The following TNK1 variants were observed in gnomAD, a reference collection of about 807,000 sequenced individuals.
TNK1 encodes non-receptor tyrosine-protein kinase TNK1.
A neutral mutation model predicts 65.2 loss-of-function variants in TNK1; 53 were observed. The ratio of observed to expected loss-of-function variants is 0.81; its 90% CI spans 0.65 to 1.02. The LOEUF (loss-of-function observed/expected upper bound fraction) is 1.02. TNK1 is among the 50% of genes least tolerant of loss of function. TNK1 has a pLI of 0.00. For synonymous variants in TNK1, 353 were observed against 364.6 expected, an observed-to-expected ratio of 0.97 and a Z score of 0.36; for missense variants, 837 against 878.4, an observed-to-expected ratio of 0.95 and a Z score of 0.60.
rs1197061688 is a variant in TNK1 at position 7,383,234 on chromosome 17, T to C, written c.164-16T>C. 6.2e-7 allele frequency: 1 copy of C among 1,613,966 alleles called. No homozygotes were observed. Among genetic ancestry groups the C allele is most frequent in the Non-Finnish European group, 8.5e-7 (1 of 1,179,886 alleles). On this transcript the variant is annotated splice_polypyrimidine_tract_variant and intron_variant, in intron 2 of 12. Coordinates refer to ENST00000688331, the MANE Select transcript of TNK1 (RefSeq NM_003985.6). ...ACACCCACCTCCACTCCAGCCCTGA[T>C]TCTGGCCTCCCACAGCCCAGCGCAG...
intron 7 of TNK1, among the ~76,000 whole-genome samples, chr17:7,385,447 G>A (rs1330682755): frequency 3.3e-5 from 5 of 152,088 alleles, no homozygotes; most frequent in Non-Finnish European, 5.9e-5. Context: ...TTTGCAAGGC[G>A]TGTTAAGCTA....
Position 7,383,261 on chromosome 17 carries a change from C to G in TNK1, c.175C>G (p.Leu59Val), listed in dbSNP as rs752105103. 6.2e-7 allele frequency: 1 copy of G among 1,614,050 alleles called. No homozygotes were observed. The highest frequency in any genetic ancestry group is 2.2e-5 in the East Asian group (1 of 44,888). The change falls in exon 3 of 13, where the codon CTG (leucine) becomes GTG (valine). Residue 59 changes from leucine (L) to valine (V), a missense_variant. By Grantham distance (32) the Leu-to-Val change is conservative. Coordinates refer to ENST00000688331, the MANE Select transcript of TNK1 (RefSeq NM_003985.6). ...IGMGRPAQRR[L>V]SEALKRLRSG... ...CTGGCCTCCCACAGCCCAGCGCAGA[C>G]TGTCCGAAGCTCTGAAAAGGCTACG...
At position 7,388,373 on chromosome 17, in the gene TNK1, C is replaced by A; in HGVS notation, c.1478-33C>A. On this transcript the variant is annotated intron_variant, in intron 10 of 12. Transcript: ENST00000688331. This position sits in a 1 kb window ranked among gnomAD's most constrained non-coding sequence, Gnocchi z 4.5. ...CCGGGAGGCGGAGGCTGCAGCCAGC[C>A]GAGTTCAAGTTGTTTCCTTCTCAAC... 6.4e-7 allele frequency: 1 copy of A among 1,555,456 alleles called. No homozygotes were observed. The highest frequency in any genetic ancestry group is 1.2e-5 in the South Asian group (1 of 81,786).
In TNK1 at chr17:7,382,111, C is replaced by CA. The variant is rs1195551755; in HGVS notation, c.-91-719dup. Among the ~76,000 whole-genome samples, 1 of 152,068 alleles carries CA rather than the reference C, an allele frequency of 6.6e-6. No individual in the cohort carries two copies. Among genetic ancestry groups the CA allele is most frequent in the Non-Finnish European group, 1.5e-5 (1 of 68,012 alleles). On this transcript the variant is annotated intron_variant, in intron 1 of 12. Transcript: ENST00000688331. This position sits in a 1 kb window ranked among gnomAD's most constrained non-coding sequence, Gnocchi z 4.1. The stretch of plus-strand genomic sequence containing the variant: ...TGAAACCCCATCTCTACTAAAAATA[C>CA]AAAAAATAGCCGGGCATGGTGGCAC...
At chr17:7,387,272 G>A (rs1905232376) in intron 9 of TNK1, 106 bp from the exon 10 acceptor site, 3 of 1,510,910 alleles carry the variant, frequency 2.0e-6, no homozygotes, top group Non-Finnish European at 1.8e-6. Context: ...CTCCACCCTG[G>A]GCCCTGGGTC....
intron 6 of TNK1, 70 bp downstream of exon 6, chr17:7,384,323 C>T (rs1244714506): frequency 1.0e-5 from 15 of 1,433,096 alleles, no homozygotes; most frequent in African/African-American, 4.3e-5. Context: ...CGAGGGAGAT[C>T]GGAGGGGGCC....
At chr17:7,383,209 ACACC>A in intron 2 of TNK1, 37 bp from the exon 3 acceptor site, 1 of 1,613,250 alleles carries the variant, frequency 6.2e-7, no homozygotes, top group Non-Finnish European at 8.5e-7. Context: ...ACTCTTCCCC[ACACC>A]CACCTCCACT....
chr17:7,384,704 C>A lies in TNK1; in HGVS notation c.1087C>A (p.His363Asn), dbSNP rs760286925. The A allele has an allele frequency of 3.1e-6, 5 of 1,591,256 alleles. No individual in the cohort carries two copies. The South Asian group carries it at 4.6e-5, about 15-fold the overall frequency. The change falls in exon 7 of 13, where the codon CAC becomes AAC. Residue 363 changes from histidine (H) to asparagine (N), a missense_variant. His to Asn is a moderately conservative substitution (Grantham distance 68). Coordinates refer to ENST00000688331, the MANE Select transcript of TNK1 (RefSeq NM_003985.6). The part of the protein sequence containing the change: ...YSLALRCWAP[H>N]PADRPSFSHL... ...CCTCGCCTTGCGCTGCTGGGCCCCC[C>A]ACCCTGCCGACCGGCCTAGCTTTTC...
intron 10 of TNK1, 36 bp downstream of exon 10, chr17:7,387,493 C>A: frequency 6.5e-7 from 1 of 1,539,716 alleles, no homozygotes; most frequent in South Asian, 1.2e-5. Flanking sequence ...CTGAGGAGAT[C>A]AAGACCAGTC....
chr17:7,389,072 G>A lies in TNK1; in HGVS notation c.1974G>A (p.Leu658=), dbSNP rs55741304. The part of the protein sequence containing the change: ...WDLSAASRYV[L]ARP ...TCTCAGCTGCCAGCCGCTATGTCCT[G>A]GCCAGGCCCTGAGCTCAGCTTCTGC... Residue 658 remains leucine (L), a synonymous_variant, in exon 13 of 13, where the codon CTG becomes CTA. Transcript: ENST00000688331. 2.8e-4 allele frequency: 435 copies of A among 1,552,812 alleles called. 2 individuals carry two copies. In the East Asian group the frequency reaches 0.01, roughly 36 times the overall value.
chr17:7,384,432 G>A (rs2143114785), intron 6 of TNK1, 52 bp from the exon 7 acceptor site: 3 of 1,465,758 alleles, frequency 2.0e-6, no homozygotes, highest in East Asian at 2.5e-5. Context: ...GTGGAGGGTG[G>A]GCCTCCAAGG....
Position 7,388,688 on chromosome 17 carries a change from A to G in TNK1, c.1760A>G (p.Gln587Arg). The change falls in exon 11 of 13, where the codon CAG becomes CGG. Residue 587 changes from glutamine (Q) to arginine (R), a missense_variant. Coordinates refer to ENST00000688331, the MANE Select transcript of TNK1 (RefSeq NM_003985.6). This position sits in a 1 kb window ranked among gnomAD's most constrained non-coding sequence, Gnocchi z 4.5. ...GGCCTCTTGTCCGATCCTGAGTTGC[A>G]GAGGAAGATTATGGAGGTGAGGTCT... ...SGGLLSDPELQRKIMEVELSV... is the reference protein window; with the variant it reads ...SGGLLSDPELRRKIMEVELSV... 6.2e-7 allele frequency: 1 copy of G among 1,613,270 alleles called. No homozygotes were observed. Among genetic ancestry groups the G allele is most frequent in the Non-Finnish European group, 8.5e-7 (1 of 1,179,518 alleles).
chr17:7,385,018 T>C (rs1905101253), intron 7 of TNK1, among the ~76,000 whole-genome samples: 2 of 152,084 alleles, frequency 1.3e-5, no homozygotes, highest in African/African-American at 4.8e-5. Context: ...GTTGCAGTCG[T>C]GTTGACACGC....
At chr17:7,383,644 C>T (rs781763590) in intron 4 of TNK1, 28 bp downstream of exon 4, 2 of 1,595,322 alleles carry the variant, frequency 1.3e-6, no homozygotes, top group East Asian at 4.5e-5. Context: ...CCGCTTCATC[C>T]AGGCCAGCTG....
In TNK1 at chr17:7,388,390, C is replaced by T; in HGVS notation, c.1478-16C>T. On this transcript the variant is annotated splice_polypyrimidine_tract_variant and intron_variant, in intron 10 of 12. Transcript: ENST00000688331. This position sits in a 1 kb window ranked among gnomAD's most constrained non-coding sequence, Gnocchi z 4.5. Reference sequence around the variant, plus strand: ...CAGCCAGCCGAGTTCAAGTTGTTTCCTTCTCAACTGTGCAGGCATTTCCAG... The same window carrying T: ...CAGCCAGCCGAGTTCAAGTTGTTTCTTTCTCAACTGTGCAGGCATTTCCAG... 1.3e-6 allele frequency: 2 copies of T among 1,581,026 alleles called. No individual in the cohort carries two copies. Among genetic ancestry groups the T allele is most frequent in the Non-Finnish European group, 8.6e-7 (1 of 1,163,232 alleles).
chr17:7,385,936 A>G (rs2143133283), intron 7 of TNK1, among the ~76,000 whole-genome samples: 1 of 152,278 alleles, frequency 6.6e-6, no homozygotes, highest in South Asian at 2.1e-4. Context: ...TGACTTGCCT[A>G]AAGTCACATG....
In TNK1 at chr17:7,384,157, G is replaced by A. The variant is rs1258509983; in HGVS notation, c.770G>A (p.Arg257His). Reference sequence around the variant, plus strand: ...CGCAACCTACTGCTGGCGTCGCCGCGCACCATCAAGGTGGCTGACTTCGGG... The same window carrying A: ...CGCAACCTACTGCTGGCGTCGCCGCACACCATCAAGGTGGCTGACTTCGGG... ...ATRNLLLASP[R>H]TIKVADFGLV... is the part of the protein sequence containing the mutation. Residue 257 changes from arginine (R) to histidine (H), a missense_variant, in exon 6 of 13, where the codon CGC (arginine) becomes CAC (histidine). Physicochemically the swap from Arg to His is conservative, Grantham distance 29. Transcript: ENST00000688331. The A allele has an allele frequency of 2.6e-6, 4 of 1,540,180 alleles. No homozygotes were observed. The highest frequency in any genetic ancestry group is 2.7e-5 in the African/African-American group (2 of 72,920).
intron 4 of TNK1, 33 bp from the exon 5 acceptor site, chr17:7,383,676 G>A (rs760714155): frequency 3.7e-6 from 6 of 1,603,340 alleles, no homozygotes; most frequent in Admixed American, 1.7e-5. Context: ...CTTCATGCCC[G>A]CAATGCCTAA....
rs111774503 is a variant in TNK1, at chr17:7,384,206, C to G, written c.819C>G (p.Ala273=). The change falls in exon 6 of 13, where the codon GCC becomes GCG. Residue 273 remains alanine, a synonymous_variant. Coordinates refer to ENST00000688331, the MANE Select transcript of TNK1 (RefSeq NM_003985.6). The part of the protein sequence containing the change: ...DFGLVRPLGG[A]RGRYVMGGPR... The stretch of plus-strand genomic sequence containing the variant: ...GGCTGGTGCGGCCTCTGGGCGGTGC[C>G]CGGGGCCGCTACGTCATGGGCGGGC... 2.0e-5 allele frequency: 30 copies of G among 1,521,104 alleles called. No individual in the cohort carries two copies. In the African/African-American group the frequency reaches 4.0e-4, roughly 20 times the overall value. The allele number at this position is 1,521,104 out of a possible 1,614,324, so 94.2% of individuals were successfully genotyped here. A position where few individuals can be genotyped will look rare whatever the true frequency, so the allele number is the denominator to read the frequency against.
Sources: allele counts gnomAD v4.1 joint callset (sites outside exome capture counted in the v4.1 genomes callset), GRCh38; gene constraint gnomAD v4.1.1; non-coding constraint Gnocchi (gnomAD v3.1); transcripts MANE v1.5; gene names NCBI Gene and HGNC (gene_info 2026-07-23, HGNC 2026-07-21).